Variants in THRB observed in about 807,000 individuals in gnomAD.
THRB encodes the protein nuclear receptor subfamily 1 group A member 2.
A neutral mutation model predicts 47.8 loss-of-function variants in THRB; 12 were observed. The ratio of observed to expected loss-of-function variants is 0.25; its 90% CI spans 0.16 to 0.41. The LOEUF is 0.41. Among genes scored for constraint, THRB ranks in the 10% least tolerant of loss-of-function variants. THRB has a pLI of 1.00. For missense variants in THRB, 348 were observed against 589.2 expected (o/e 0.59, Z 4.24); for synonymous variants, 218 against 212.2 (o/e 1.03, Z -0.24).
Position 24,152,474 on chromosome 3 carries a change from G to A in THRB, c.300C>T (p.Tyr100=). The change falls in exon 6 of 11, where the codon TAC becomes TAT. Residue 100 remains tyrosine (Y), a synonymous_variant. Transcript: ENST00000646209. ...EKKCKGYIPS[Y]LDKDELCVVC... ...CTACACAGAGCTCGTCCTTGTCTAAGTAACTGGGGATGTACCCTGTGAAGG... is the reference window on the plus strand; with the variant it reads ...CTACACAGAGCTCGTCCTTGTCTAAATAACTGGGGATGTACCCTGTGAAGG... The A allele has an allele frequency of 6.3e-7, 1 of 1,591,760 alleles. No homozygotes were observed. The highest frequency in any genetic ancestry group is 8.6e-7 in the Non-Finnish European group (1 of 1,159,878).
chr3:24,248,990 C>T (rs977765031), intron 3 of THRB, among the ~76,000 whole-genome samples: 2 of 152,156 alleles, frequency 1.3e-5, no homozygotes, highest in African/African-American at 4.8e-5. Flanking sequence ...GTTTGAATTA[C>T]CTAGTGTGAT....
Position 24,131,464 on chromosome 3 carries a change from G to A in THRB, c.885+1852C>T, listed in dbSNP as rs186941937. On this transcript the variant is annotated intron_variant, in intron 9 of 10. Coordinates refer to ENST00000646209, the MANE Select transcript of THRB (RefSeq NM_001354712.2). ...TCCTCAGTATCTACTGACTTCTTTA[G>A]GGGTGGGGTATGAGTCATTGCTACT... Among the ~76,000 whole-genome samples the A allele has an allele frequency of 2.9e-4, 44 of 152,338 alleles. 1 individual carries two copies. Among genetic ancestry groups the A allele is most frequent in the Admixed American group, 2.8e-3 (43 of 15,310 alleles).
chr3:24,461,939 A>G (rs1024775574), intron 1 of THRB, among the ~76,000 whole-genome samples: 2 of 152,234 alleles, frequency 1.3e-5, no homozygotes, highest in Middle Eastern at 3.2e-3. Context: ...ATAATATTCA[A>G]TGACATGGAA....
chr3:24,377,255 C>G (rs2065359190), intron 1 of THRB, among the ~76,000 whole-genome samples: 1 of 151,988 alleles, frequency 6.6e-6, no homozygotes, highest in Admixed American at 6.6e-5. Flanking sequence ...TCTTTCTGTC[C>G]CCCAGGGAGC....
intron 1 of THRB, among the ~76,000 whole-genome samples, chr3:24,405,172 C>T (rs2067720767): frequency 6.6e-6 from 1 of 151,980 alleles, no homozygotes; most frequent in African/African-American, 2.4e-5. Context: ...TCCTGTTTCT[C>T]AACAAGCCTC....
In THRB at chr3:24,204,682, G is replaced by A. The variant is rs189673522; in HGVS notation, c.23-14348C>T. 1.5e-3 allele frequency among the ~76,000 whole-genome samples: 230 copies of A among 152,290 alleles called. 1 individual carries two copies. The highest frequency in any genetic ancestry group is 2.6e-3 in the Non-Finnish European group (174 of 68,014). ...GACTCTGACAAGTTGAGAGAAGAAG[G>A]CTTCAGACAATCAAACTTCTCTGAG... On this transcript the variant is annotated intron_variant, in intron 4 of 10. Transcript: ENST00000646209.
chr3:24,397,539 A>G (rs1469715887), intron 1 of THRB, among the ~76,000 whole-genome samples: 1 of 151,560 alleles, frequency 6.6e-6, no homozygotes, highest in African/African-American at 2.4e-5. Flanking sequence ...TTTTATTAGC[A>G]TTAACATAGA....
chr3:24,404,030 T>C (rs1022487335), intron 1 of THRB, among the ~76,000 whole-genome samples: 2 of 151,972 alleles, frequency 1.3e-5, no homozygotes, highest in Admixed American at 6.6e-5. Context: ...AAATGAAAAT[T>C]AGAATTTTGG....
At chr3:24,482,119 T>C (rs1696528010) in intron 1 of THRB, among the ~76,000 whole-genome samples, 1 of 152,222 alleles carries the variant, frequency 6.6e-6, no homozygotes, top group African/African-American at 2.4e-5. Context: ...GGTCTCTCTC[T>C]TTGATTTCCT....
At chr3:24,378,670 T>A (rs575346178) in intron 1 of THRB, among the ~76,000 whole-genome samples, 1 of 152,148 alleles carries the variant, frequency 6.6e-6, no homozygotes, top group Non-Finnish European at 1.5e-5. Flanking sequence ...GGGAGACACA[T>A]GGGAGATGCC....
intron 3 of THRB, among the ~76,000 whole-genome samples, chr3:24,249,853 C>T (rs1318429023): frequency 6.6e-6 from 1 of 152,136 alleles, no homozygotes; most frequent in Non-Finnish European, 1.5e-5. Flanking sequence ...TTCATTTATT[C>T]ACAACAACTA....
At chr3:24,178,901 A>C (rs2041533178) in intron 5 of THRB, among the ~76,000 whole-genome samples, 2 of 152,240 alleles carry the variant, frequency 1.3e-5, no homozygotes, top group African/African-American at 4.8e-5. Context: ...TTGATTTAAT[A>C]ATTTAAAGCT....
intron 4 of THRB, among the ~76,000 whole-genome samples, chr3:24,221,470 T>A (rs1388660841): frequency 6.6e-6 from 1 of 152,052 alleles, no homozygotes; most frequent in Non-Finnish European, 1.5e-5. Flanking sequence ...GAGACTGAGA[T>A]GAGTTTAGCA....
chr3:24,247,127 T>C (rs1339657838), intron 3 of THRB, among the ~76,000 whole-genome samples: 1 of 152,200 alleles, frequency 6.6e-6, no homozygotes, highest in Non-Finnish European at 1.5e-5. Flanking sequence ...CTACAACAAA[T>C]GTAAAGAGTT....
At chr3:24,304,324 T>C (rs969389326) in intron 2 of THRB, among the ~76,000 whole-genome samples, 3 of 152,168 alleles carry the variant, frequency 2.0e-5, no homozygotes, top group African/African-American at 7.2e-5. Context: ...GTAGATATTT[T>C]GATAGGATAT....
chr3:24,313,940 T>C (rs1422523279), intron 2 of THRB, among the ~76,000 whole-genome samples: 1 of 152,210 alleles, frequency 6.6e-6, no homozygotes, highest in Non-Finnish European at 1.5e-5. Flanking sequence ...ATAATATTCT[T>C]AACAGTAAAA....
At chr3:24,239,962 C>A (rs10212213) in intron 3 of THRB, among the ~76,000 whole-genome samples, 2 of 152,062 alleles carry the variant, frequency 1.3e-5, no homozygotes, top group Non-Finnish European at 2.9e-5. Flanking sequence ...AACAGCTTGA[C>A]AGGTGGATTT....
intron 1 of THRB, among the ~76,000 whole-genome samples, chr3:24,429,801 A>G (rs139412400): frequency 6.6e-6 from 1 of 152,184 alleles, no homozygotes; most frequent in East Asian, 1.9e-4. Context: ...GGCATGAGCC[A>G]CTGTGCCCGG....
At chr3:24,185,763 C>T (rs1442303728) in intron 5 of THRB, among the ~76,000 whole-genome samples, 1 of 152,158 alleles carries the variant, frequency 6.6e-6, no homozygotes, top group African/African-American at 2.4e-5. Context: ...CTCCAGGGAT[C>T]CATGCATCCG....
Sources: gnomAD v4.1 joint callset for allele counts (sites outside exome capture counted in the v4.1 genomes callset) on GRCh38, gnomAD v4.1.1 for gene constraint, MANE v1.5 for transcripts, NCBI Gene and HGNC (gene_info 2026-07-23, HGNC 2026-07-21) for gene names.